PARD3: variants seen among roughly 807,000 people sequenced by gnomAD.
PARD3 encodes the protein partitioning defective 3 homolog.
Under a neutral mutation model 155.4 loss-of-function variants are expected in PARD3, and 75 were observed. That is an observed-to-expected ratio of 0.48 (90% confidence interval 0.40 to 0.58). PARD3 has a LOEUF of 0.58. Among genes scored for constraint, PARD3 ranks in the 20% least tolerant of loss-of-function variants. The probability of loss-of-function intolerance (pLI) is 0.00; values close to 1 mark genes in which losing one functional copy is unlikely to be tolerated. For missense variants in PARD3, 1,642 were observed against 1,721.7 expected (o/e 0.95, Z 0.82); for synonymous variants, 576 against 610.5 (o/e 0.94, Z 0.83).
intron 22 of PARD3, among the ~76,000 whole-genome samples, chr10:34,182,149 G>A (rs949303682): frequency 6.6e-5 from 10 of 152,186 alleles, no homozygotes; most frequent in Non-Finnish European, 1.5e-4. Flanking sequence ...GCTGGGAGGA[G>A]GAGTCCGAGC....
chr10:34,482,290 C>G (rs1161068038), intron 3 of PARD3, among the ~76,000 whole-genome samples: 1 of 152,078 alleles, frequency 6.6e-6, no homozygotes, highest in Non-Finnish European at 1.5e-5. Context: ...CCGCCTCAGC[C>G]TACCAAAGTG....
intron 1 of PARD3, 44 bp downstream of exon 1, chr10:34,814,832 T>TCC: frequency 1.1e-5 from 13 of 1,202,346 alleles, no homozygotes; most frequent in Non-Finnish European, 1.5e-5. Context: ...CCCGGCGCCG[T>TCC]CCCCGCCGCC....
At chr10:34,627,968 CAG>C (rs751879865) in intron 2 of PARD3, among the ~76,000 whole-genome samples, 25 of 152,216 alleles carry the variant, frequency 1.6e-4, no homozygotes, top group Middle Eastern at 3.4e-3. Flanking sequence ...TCTTGGTGGA[CAG>C]AGTCTGCTTT....
chr10:34,484,944 T>C (rs1010679412), intron 3 of PARD3, among the ~76,000 whole-genome samples: 4 of 152,188 alleles, frequency 2.6e-5, no homozygotes, highest in African/African-American at 9.6e-5. Context: ...TTTTAGGACC[T>C]TCCTCCTCAT....
At chr10:34,720,904 C>T (rs2094596846) in intron 1 of PARD3, among the ~76,000 whole-genome samples, 1 of 152,098 alleles carries the variant, frequency 6.6e-6, no homozygotes, top group African/African-American at 2.4e-5. Context: ...TGTAGTAAGG[C>T]TAAATCTACC....
rs996599385 is a variant in PARD3 at position 34,784,186 on chromosome 10, G to T, written c.120+30690C>A. 2.0e-5 allele frequency among the ~76,000 whole-genome samples: 3 copies of T among 152,098 alleles called. No homozygotes were observed. The South Asian group carries it at 6.2e-4, about 32-fold the overall frequency. ...TGACCACGCCACTGTACTCCATCCT[G>T]GGTGATGGAGAGAACTTGTCTCAAA... On this transcript the variant is annotated intron_variant, in intron 1 of 24. Transcript: ENST00000374788.
intron 2 of PARD3, among the ~76,000 whole-genome samples, chr10:34,576,714 CCCAA>C (rs2086917052): frequency 6.6e-6 from 1 of 152,064 alleles, no homozygotes; most frequent in African/African-American, 2.4e-5. Flanking sequence ...CAGTCTCCAA[CCCAA>C]AGATAATCCT....
chr10:34,657,887 C>T (rs2093219339), intron 2 of PARD3, among the ~76,000 whole-genome samples: 1 of 151,596 alleles, frequency 6.6e-6, no homozygotes, highest in Non-Finnish European at 1.5e-5. Flanking sequence ...TGGCTCACGC[C>T]TATAATCCCA....
intron 20 of PARD3, among the ~76,000 whole-genome samples, chr10:34,297,536 TCTC>T (rs1303915067): frequency 2.0e-5 from 3 of 152,206 alleles, no homozygotes; most frequent in South Asian, 2.1e-4. Context: ...TAAACATTCA[TCTC>T]CTCCTCCATT....
At chr10:34,336,567 G>C (rs1379432072) in intron 17 of PARD3, among the ~76,000 whole-genome samples, 1 of 152,066 alleles carries the variant, frequency 6.6e-6, no homozygotes, top group African/African-American at 2.4e-5. Context: ...ACAGCCACCA[G>C]AGAACAGCAT....
chr10:34,369,134 T>TA (rs1840305765), intron 12 of PARD3, among the ~76,000 whole-genome samples: 1 of 152,048 alleles, frequency 6.6e-6, no homozygotes, highest in African/African-American at 2.4e-5. Flanking sequence ...TGGAGTGTCC[T>TA]AAGGTTAATT....
At chr10:34,617,661 A>C (rs16935582) in intron 2 of PARD3, among the ~76,000 whole-genome samples, 10,664 of 152,196 alleles carry the variant, frequency 0.07, 1,243 homozygotes, top group African/African-American at 0.24. Flanking sequence ...ATAACACAGT[A>C]TTTGGTCCAC....
At chr10:34,707,156 T>C (rs1002385931) in intron 1 of PARD3, among the ~76,000 whole-genome samples, 5 of 151,258 alleles carry the variant, frequency 3.3e-5, no homozygotes, top group African/African-American at 1.2e-4. Context: ...TGAGGTGGGA[T>C]GATCGCTTCA....
Position 34,815,013 on chromosome 10 carries a change from C to G in PARD3, c.-18G>C. ...ACTTTCATGCCGCCGCCGCCGCGGG[C>G]GGGCCCGCGCCCCTCGCCGAGCGCA... is the stretch of plus-strand genomic sequence containing the variant. On this transcript the variant is annotated 5_prime_UTR_variant, in exon 1 of 25. Transcript: ENST00000374788. 1.4e-6 allele frequency: 2 copies of G among 1,429,252 alleles called. No individual in the cohort carries two copies. Among genetic ancestry groups the G allele is most frequent in the Non-Finnish European group, 1.8e-6 (2 of 1,086,192 alleles). The allele number at this position is 1,429,252 out of a possible 1,614,324, so 88.5% of individuals were successfully genotyped here. A position where few individuals can be genotyped will look rare whatever the true frequency, so the allele number is the denominator to read the frequency against.
At chr10:34,649,367 G>A (rs2092939002) in intron 2 of PARD3, among the ~76,000 whole-genome samples, 2 of 152,280 alleles carry the variant, frequency 1.3e-5, no homozygotes, top group African/African-American at 4.8e-5. Flanking sequence ...AGACCTAGAG[G>A]GTAGAGCCTC....
At chr10:34,356,875 T>C (rs1283597208) in intron 14 of PARD3, among the ~76,000 whole-genome samples, 1 of 152,180 alleles carries the variant, frequency 6.6e-6, no homozygotes, top group Non-Finnish European at 1.5e-5. Context: ...ACTCATAAGA[T>C]TTTTTGATAT....
intron 22 of PARD3, among the ~76,000 whole-genome samples, chr10:34,162,927 C>T (rs1043545115): frequency 5.9e-5 from 9 of 152,084 alleles, no homozygotes; most frequent in African/African-American, 2.2e-4. Context: ...CACCACCACA[C>T]GGGAATCTGA....
At chr10:34,588,343 T>C (rs887305260) in intron 2 of PARD3, among the ~76,000 whole-genome samples, 6 of 152,318 alleles carry the variant, frequency 3.9e-5, no homozygotes, top group Non-Finnish European at 8.8e-5. Context: ...TTCTTGTTCT[T>C]TGCTGTAAAG....
At chr10:34,288,253 G>T (rs1956498442) in intron 20 of PARD3, among the ~76,000 whole-genome samples, 1 of 152,112 alleles carries the variant, frequency 6.6e-6, no homozygotes, top group Non-Finnish European at 1.5e-5. Context: ...GAAAATTAAA[G>T]AAACCATATG....
Sources: gnomAD v4.1 joint callset for allele counts (sites outside exome capture counted in the v4.1 genomes callset) on GRCh38, gnomAD v4.1.1 for gene constraint, MANE v1.5 for transcripts, NCBI Gene and HGNC (gene_info 2026-07-23, HGNC 2026-07-21) for gene names.